DOCK8: variants seen among roughly 807,000 people sequenced by gnomAD.
DOCK8 encodes dedicator of cytokinesis 8, also known as dedicator of cytokinesis protein 8.
DOCK8 carries 141 observed loss-of-function variants against 245.6 expected under a neutral mutation model. That is an observed-to-expected ratio of 0.57 (90% CI 0.50 to 0.66). The LOEUF (loss-of-function observed/expected upper bound fraction) is 0.66, where lower values mean the gene tolerates loss of function less well. Ranked by LOEUF, DOCK8 falls within the 30% of genes least tolerant of loss-of-function variation. The pLI, the probability that DOCK8 is intolerant of heterozygous loss-of-function variation, is 0.00. For synonymous variants in DOCK8, 1,168 were observed against 970.2 expected, an observed-to-expected ratio of 1.20 and a Z score of -3.79; for missense variants, 2,965 against 2,603.4, an observed-to-expected ratio of 1.14 and a Z score of -3.02.
At chr9:426,515 C>G (rs958725796) in intron 33 of DOCK8, among the ~76,000 whole-genome samples, 1 of 152,180 alleles carries the variant, frequency 6.6e-6, no homozygotes, top group African/African-American at 2.4e-5. Flanking sequence ...TCAGATCTAG[C>G]AATGGTTTTC....
In DOCK8 at chr9:432,246, C is replaced by T; in HGVS notation, c.4707C>T (p.His1569=). The change falls in exon 37 of 48, where the codon CAC becomes CAT. Residue 1569 remains histidine (H), a synonymous_variant. Coordinates refer to ENST00000432829, the MANE Select transcript of DOCK8 (RefSeq NM_203447.4). ...VGRAPDFNEE[H]LRRSLRTILA... is the part of the protein sequence containing the mutation. ...GAGCACCAGACTTTAATGAAGAGCA[C>T]CTGAGAAGATCCTTGAGGACAATTT... is the stretch of plus-strand genomic sequence containing the variant. 6.2e-7 allele frequency: 1 copy of T among 1,613,554 alleles called. No individual in the cohort carries two copies. The highest frequency in any genetic ancestry group is 8.5e-7 in the Non-Finnish European group (1 of 1,179,956).
intron 4 of DOCK8, among the ~76,000 whole-genome samples, chr9:301,658 A>T (rs1452319456): frequency 6.6e-6 from 1 of 152,264 alleles, no homozygotes; most frequent in African/African-American, 2.4e-5. Flanking sequence ...AAGTTTCAGG[A>T]TACAAAATCA....
chr9:412,497 C>G (rs1386730710), intron 28 of DOCK8, among the ~76,000 whole-genome samples: 19 of 151,548 alleles, frequency 1.3e-4, no homozygotes, highest in Admixed American at 1.2e-3. Flanking sequence ...GTGGCATAAT[C>G]TTGTTTATAG....
intron 4 of DOCK8, among the ~76,000 whole-genome samples, chr9:293,525 C>G (rs1563885557): frequency 6.6e-6 from 1 of 152,238 alleles, no homozygotes; most frequent in Non-Finnish European, 1.5e-5. Context: ...AGATAAGCCA[C>G]TATTATGAAG....
At chr9:302,983 G>GAA (rs548195780) in intron 4 of DOCK8, among the ~76,000 whole-genome samples, 7 of 141,644 alleles carry the variant, frequency 4.9e-5, no homozygotes, top group East Asian at 2.0e-4. Context: ...AAAATAAATG[G>GAA]AAAAAAAAAA....
intron 2 of DOCK8, among the ~76,000 whole-genome samples, chr9:278,876 A>T (rs192646797): frequency 4.1e-4 from 63 of 152,322 alleles, no homozygotes; most frequent in African/African-American, 1.5e-3. Context: ...TAAGACAGGA[A>T]GCTGCTGTGA....
intron 1 of DOCK8, among the ~76,000 whole-genome samples, chr9:227,153 A>G (rs181187229): frequency 1.3e-3 from 200 of 152,312 alleles, no homozygotes; most frequent in African/African-American, 4.6e-3. Flanking sequence ...AGTTTTCCTC[A>G]AAGGATGCTT....
At chr9:435,096 G>A in intron 39 of DOCK8, 121 bp downstream of exon 39, 2 of 1,144,606 alleles carry the variant, frequency 1.7e-6, no homozygotes, top group Middle Eastern at 2.8e-4. Context: ...ACTGGGATGG[G>A]TGAGTAGGTG....
intron 20 of DOCK8, among the ~76,000 whole-genome samples, chr9:378,322 G>C (rs1393021133): frequency 6.6e-6 from 1 of 152,250 alleles, no homozygotes; most frequent in African/African-American, 2.4e-5. Context: ...GCACTGCAGA[G>C]AACCAGAAAA....
chr9:419,078 G>T (rs1272700879), intron 30 of DOCK8, among the ~76,000 whole-genome samples: 2 of 152,186 alleles, frequency 1.3e-5, no homozygotes, highest in African/African-American at 4.8e-5. Flanking sequence ...ATTCATCTCT[G>T]TTCATTGATG....
At chr9:403,013 C>A (rs2055187096) in intron 26 of DOCK8, among the ~76,000 whole-genome samples, 1 of 152,196 alleles carries the variant, frequency 6.6e-6, no homozygotes, top group Admixed American at 6.5e-5. Context: ...CCTCACCCTC[C>A]CGAGTAGCTG....
intron 1 of DOCK8, among the ~76,000 whole-genome samples, chr9:239,072 G>A (rs1001765167): frequency 1.3e-5 from 2 of 152,136 alleles, no homozygotes; most frequent in East Asian, 1.9e-4. Context: ...CCACACAGAC[G>A]GTGGCTCCAG....
chr9:371,058 A>G (rs958830816), intron 16 of DOCK8, among the ~76,000 whole-genome samples: 1 of 152,144 alleles, frequency 6.6e-6, no homozygotes, highest in Non-Finnish European at 1.5e-5. Flanking sequence ...GAGTGCAGCT[A>G]GGTGCTAGGC....
chr9:427,835 C>G (rs547548928), intron 34 of DOCK8, among the ~76,000 whole-genome samples: 2 of 152,316 alleles, frequency 1.3e-5, no homozygotes, highest in Non-Finnish European at 2.9e-5. Context: ...TTTACCTTAT[C>G]TTTATATAGC....
At chr9:274,016 A>C (rs1446121123) in intron 2 of DOCK8, among the ~76,000 whole-genome samples, 1 of 152,162 alleles carries the variant, frequency 6.6e-6, no homozygotes, top group African/African-American at 2.4e-5. Flanking sequence ...ACCAGCTTTT[A>C]CTTTAATGCC....
intron 5 of DOCK8, among the ~76,000 whole-genome samples, chr9:306,578 T>C (rs1465465329): frequency 2.0e-5 from 3 of 152,158 alleles, no homozygotes; most frequent in Non-Finnish European, 4.4e-5. Flanking sequence ...ATCGTCATTA[T>C]GGGAAACAGC....
chr9:337,581 G>A (rs2051371197), intron 12 of DOCK8, among the ~76,000 whole-genome samples: 1 of 152,028 alleles, frequency 6.6e-6, no homozygotes, highest in Admixed American at 6.6e-5. Context: ...AGTTTCCAGG[G>A]CTCCCTGCTT....
intron 1 of DOCK8, among the ~76,000 whole-genome samples, chr9:253,554 G>C (rs926589665): frequency 5.3e-5 from 8 of 152,144 alleles, no homozygotes; most frequent in African/African-American, 1.7e-4. Context: ...TTGGAAGTAA[G>C]GCTCTGGAAC....
intron 25 of DOCK8, among the ~76,000 whole-genome samples, chr9:398,885 T>C (rs1389352564): frequency 6.6e-6 from 1 of 151,972 alleles, no homozygotes; most frequent in Non-Finnish European, 1.5e-5. Context: ...AGGTTAATTA[T>C]ACACATATAA....
Sources: gnomAD v4.1 joint callset for allele counts (sites outside exome capture counted in the v4.1 genomes callset) on GRCh38, gnomAD v4.1.1 for gene constraint, MANE v1.5 for transcripts, NCBI Gene and HGNC (gene_info 2026-07-23, HGNC 2026-07-21) for gene names.